The following CFAP47 variants were observed in gnomAD, a reference collection of about 807,000 sequenced individuals.
The protein encoded by CFAP47 is cilia and flagella associated protein 47.
In CFAP47, 29 loss-of-function variants were observed where a neutral mutation model predicts 148.1. That is an observed-to-expected ratio of 0.20 (90% CI 0.15 to 0.27). The LOEUF (loss-of-function observed/expected upper bound fraction) is 0.27. Ranked by LOEUF, CFAP47 falls within the 10% of genes least tolerant of loss-of-function variation. CFAP47 has a pLI of 1.00. For synonymous variants in CFAP47, 664 were observed against 577.3 expected (o/e 1.15, Z -2.15); for missense variants, 1,872 against 1,697.5 (o/e 1.10, Z -1.81).
chrX:35,926,305 A>G, intron 2 of CFAP47, 137 bp downstream of exon 2: 1 of 406,184 alleles, frequency 2.5e-6, no homozygotes, highest in Non-Finnish European at 4.0e-6. Flanking sequence ...AGAAAATAGT[A>G]GTGTTTGTAA....
chrX:36,257,059 C>T, intron 49 of CFAP47, among the ~76,000 whole-genome samples: 1 of 112,103 alleles, frequency 8.9e-6, no homozygotes. Flanking sequence ...TTTTTTAAAG[C>T]CTTAGTATAG....
At chrX:36,245,038 T>G (rs1940598227) in intron 48 of CFAP47, among the ~76,000 whole-genome samples, 1 of 112,361 alleles carries the variant, frequency 8.9e-6, no homozygotes, top group Non-Finnish European at 1.9e-5. Flanking sequence ...ACTCCTGGCA[T>G]GTAAGTCTGG....
intron 33 of CFAP47, among the ~76,000 whole-genome samples, chrX:36,122,314 C>T (rs1341420270): frequency 9.0e-6 from 1 of 110,900 alleles, no homozygotes; most frequent in Non-Finnish European, 1.9e-5. Context: ...GTTCTATAGC[C>T]TTCTTGTACT....
chrX:36,032,827 T>C (rs1937296271), intron 23 of CFAP47, among the ~76,000 whole-genome samples: 1 of 111,180 alleles, frequency 9.0e-6, no homozygotes, highest in Admixed American at 9.6e-5. Flanking sequence ...GAAGGGAGGA[T>C]TTTCCTGAAT....
At chrX:36,328,950 C>T (rs976222359) in intron 57 of CFAP47, among the ~76,000 whole-genome samples, 2 of 111,273 alleles carry the variant, frequency 1.8e-5, no homozygotes, top group South Asian at 7.5e-4. Flanking sequence ...AGGGAAAGCC[C>T]AGTTTTAGAC....
intron 36 of CFAP47, among the ~76,000 whole-genome samples, chrX:36,148,535 C>T (rs903271549): frequency 8.9e-6 from 1 of 111,874 alleles, no homozygotes; most frequent in African/African-American, 3.3e-5. Flanking sequence ...TCAAGAAGTA[C>T]TCTTTTGTAA....
intron 39 of CFAP47, among the ~76,000 whole-genome samples, chrX:36,163,616 A>G (rs1316119474): frequency 7.2e-5 from 8 of 110,856 alleles, no homozygotes; most frequent in Non-Finnish European, 1.5e-4. Flanking sequence ...TTAAATTATT[A>G]TTATTACTTT....
At chrX:36,248,404 A>G (rs1555997528) in intron 48 of CFAP47, among the ~76,000 whole-genome samples, 1 of 104,651 alleles carries the variant, frequency 9.6e-6, no homozygotes, top group East Asian at 2.9e-4. Context: ...ATTATATTAT[A>G]TTATATATTA....
At chrX:36,080,739 T>C (rs1371009423) in intron 29 of CFAP47, among the ~76,000 whole-genome samples, 1 of 110,475 alleles carries the variant, frequency 9.1e-6, no homozygotes, top group Non-Finnish European at 1.9e-5. Flanking sequence ...ATGAGAACAC[T>C]TGGACACAGG....
chrX:36,037,461 C>G (rs778910023), intron 24 of CFAP47, among the ~76,000 whole-genome samples: 5 of 110,387 alleles, frequency 4.5e-5, no homozygotes, highest in Non-Finnish European at 9.4e-5. Flanking sequence ...TTCCCAGGTT[C>G]AAACGATTAT....
intron 39 of CFAP47, among the ~76,000 whole-genome samples, chrX:36,161,773 G>A (rs936242890): frequency 3.6e-5 from 4 of 111,949 alleles, no homozygotes; most frequent in Non-Finnish European, 5.6e-5. Context: ...ATCACTGTAT[G>A]TAAAGGATTT....
intron 62 of CFAP47, among the ~76,000 whole-genome samples, chrX:36,376,573 A>T (rs1405096983): frequency 8.9e-6 from 1 of 112,036 alleles, no homozygotes; most frequent in Non-Finnish European, 1.9e-5. Context: ...AGGAGGGATA[A>T]TGGCAAGAGG....
At chrX:36,219,738 A>G (rs5973615) in intron 45 of CFAP47, among the ~76,000 whole-genome samples, 38,943 of 110,129 alleles carry the variant, frequency 0.35, 7,721 homozygotes, top group African/African-American at 0.76. Flanking sequence ...ATCTACCTAT[A>G]ACCTAGAAGC....
At chrX:35,955,895 C>G (rs1936237621) in intron 7 of CFAP47, 66 bp from the exon 8 acceptor site, 6 of 1,172,702 alleles carry the variant, frequency 5.1e-6, no homozygotes, top group Non-Finnish European at 5.7e-6. Context: ...AACAAATAGA[C>G]TAAGCAAATA....
At chrX:36,171,737 C>T (rs1939582518) in intron 39 of CFAP47, among the ~76,000 whole-genome samples, 1 of 111,682 alleles carries the variant, frequency 9.0e-6, no homozygotes, top group Admixed American at 9.5e-5. Flanking sequence ...AGTGTGATGC[C>T]TCCAGCTTTG....
At chrX:36,234,432 C>T (rs1395063698) in intron 46 of CFAP47, among the ~76,000 whole-genome samples, 3 of 112,285 alleles carry the variant, frequency 2.7e-5, no homozygotes, top group Non-Finnish European at 5.6e-5. Flanking sequence ...CTCCATTCTT[C>T]ACGTAGTTCT....
intron 29 of CFAP47, among the ~76,000 whole-genome samples, chrX:36,078,497 T>A (rs1937909350): frequency 1.8e-5 from 2 of 109,574 alleles, no homozygotes; most frequent in African/African-American, 3.4e-5. Flanking sequence ...TGGTTTAAAG[T>A]CTGTTTTATC....
chrX:36,371,740 ATG>A (rs1172782166), intron 62 of CFAP47, among the ~76,000 whole-genome samples: 2 of 51,454 alleles, frequency 3.9e-5, no homozygotes, highest in Non-Finnish European at 7.3e-5. Context: ...GTGTGTATAT[ATG>A]TGTGTATATA....
chrX:36,056,804 C>G (rs1373822148), intron 26 of CFAP47, among the ~76,000 whole-genome samples: 1 of 111,892 alleles, frequency 8.9e-6, no homozygotes, highest in African/African-American at 3.3e-5. Flanking sequence ...TCAGGCAAGT[C>G]TGCCTCTTTT....
Sources: allele counts gnomAD v4.1 joint callset (sites outside exome capture counted in the v4.1 genomes callset), GRCh38; gene constraint gnomAD v4.1.1; transcripts MANE v1.5; gene names NCBI Gene and HGNC (gene_info 2026-07-23, HGNC 2026-07-21).